Variants in NAV2 observed in about 807,000 individuals in gnomAD.
The protein encoded by NAV2 is helicase, APC down-regulated 1.
Under a neutral mutation model 223.2 loss-of-function variants are expected in NAV2, and 54 were observed. The observed-to-expected ratio is 0.24, with a 90% CI of 0.19 to 0.30. NAV2 has a LOEUF of 0.30. Among genes scored for constraint, NAV2 ranks in the 10% least tolerant of loss-of-function variants. The pLI, the probability that NAV2 is intolerant of heterozygous loss-of-function variation, is 1.00. For synonymous variants in NAV2, 1,279 were observed against 1,239.3 expected, an observed-to-expected ratio of 1.03 and a Z score of -0.67; for missense variants, 2,806 against 3,147.5, an observed-to-expected ratio of 0.89 and a Z score of 2.60.
At chr11:20,063,227 A>G (rs962668130) in intron 20 of NAV2, among the ~76,000 whole-genome samples, 3 of 152,186 alleles carry the variant, frequency 2.0e-5, no homozygotes, top group African/African-American at 7.2e-5. Context: ...AATATAGTAC[A>G]CACAGCTCAG....
intron 6 of NAV2, among the ~76,000 whole-genome samples, chr11:19,899,308 C>G (rs758281545): frequency 8.5e-5 from 13 of 152,188 alleles, no homozygotes; most frequent in Non-Finnish European, 1.6e-4. Flanking sequence ...TTTAGAATCT[C>G]TATAAACATG....
chr11:19,785,458 T>A (rs893087137), intron 1 of NAV2, among the ~76,000 whole-genome samples: 33 of 152,246 alleles, frequency 2.2e-4, no homozygotes, highest in African/African-American at 8.0e-4. Context: ...ACTTGGCTAA[T>A]CTTTGCATGA....
intron 1 of NAV2, among the ~76,000 whole-genome samples, chr11:19,687,492 C>A (rs779034069): frequency 6.6e-6 from 1 of 152,188 alleles, no homozygotes; most frequent in Non-Finnish European, 1.5e-5. Flanking sequence ...AGAACATTAC[C>A]AGCATCCTAT....
intron 10 of NAV2, among the ~76,000 whole-genome samples, chr11:19,950,824 A>G (rs534066717): frequency 6.6e-6 from 1 of 152,354 alleles, no homozygotes; most frequent in African/African-American, 2.4e-5. Flanking sequence ...CCAAAGATAT[A>G]GGGGAGATTG....
intron 1 of NAV2, among the ~76,000 whole-genome samples, chr11:19,649,650 G>A (rs1286628338): frequency 6.6e-6 from 1 of 152,052 alleles, no homozygotes; most frequent in African/African-American, 2.4e-5. Flanking sequence ...ACCTCCCAAA[G>A]ACCCCAGCTC....
At chr11:19,528,884 C>T (rs1368194524) in intron 1 of NAV2, among the ~76,000 whole-genome samples, 2 of 133,794 alleles carry the variant, frequency 1.5e-5, no homozygotes, top group Non-Finnish European at 3.1e-5. Context: ...TAGCTGAGAT[C>T]ATGCCACTGC....
At chr11:20,050,572 GAAA>G (rs1260684558) in intron 16 of NAV2, among the ~76,000 whole-genome samples, 1 of 70,112 alleles carries the variant, frequency 1.4e-5, no homozygotes, top group Admixed American at 1.6e-4. Flanking sequence ...TCTCCTGCCA[GAAA>G]AAAAAAAAAA....
chr11:19,907,200 A>G (rs2042936350), intron 6 of NAV2, among the ~76,000 whole-genome samples: 1 of 152,210 alleles, frequency 6.6e-6, no homozygotes, highest in Admixed American at 6.5e-5. Context: ...AAATGACTAC[A>G]AAGGGGAAAG....
chr11:19,972,001 C>G (rs2049293858), intron 10 of NAV2, among the ~76,000 whole-genome samples: 1 of 152,182 alleles, frequency 6.6e-6, no homozygotes, highest in Non-Finnish European at 1.5e-5. Context: ...CTGTGCCTGG[C>G]CCAAACTTTT....
chr11:19,569,667 C>T (rs201028201), intron 1 of NAV2, among the ~76,000 whole-genome samples: 10 of 152,254 alleles, frequency 6.6e-5, no homozygotes, highest in East Asian at 1.9e-4. Context: ...AGTAAATGAA[C>T]GTTTGCTGTC....
At chr11:20,102,957 A>G (rs1484555988) in intron 32 of NAV2, among the ~76,000 whole-genome samples, 2 of 152,182 alleles carry the variant, frequency 1.3e-5, no homozygotes, top group Non-Finnish European at 2.9e-5. Context: ...TGTAGCTCTC[A>G]GGCTACACAC....
At chr11:19,686,592 T>G (rs1467238199) in intron 1 of NAV2, among the ~76,000 whole-genome samples, 1 of 152,174 alleles carries the variant, frequency 6.6e-6, no homozygotes, top group African/African-American at 2.4e-5. Flanking sequence ...GTGAGCAAAA[T>G]AAGTTCACAT....
At chr11:19,716,764 A>G (rs12295175) in intron 1 of NAV2, among the ~76,000 whole-genome samples, 9,610 of 152,292 alleles carry the variant, frequency 0.063, 994 homozygotes, top group African/African-American at 0.22. Flanking sequence ...CTATGACAGT[A>G]ACAACATGGT....
intron 1 of NAV2, among the ~76,000 whole-genome samples, chr11:19,586,180 C>T (rs1001479891): frequency 2.0e-4 from 30 of 152,168 alleles, no homozygotes; most frequent in African/African-American, 2.9e-4. Flanking sequence ...TCAGCTACTG[C>T]GGCTTGTGCA....
chr11:19,855,596 T>G (rs948835123), intron 3 of NAV2, among the ~76,000 whole-genome samples: 7 of 152,110 alleles, frequency 4.6e-5, no homozygotes, highest in African/African-American at 1.7e-4. Flanking sequence ...TACTTTCCCC[T>G]GAAGGAATAT....
chr11:19,383,553 C>T (rs1033523864), intron 1 of NAV2, among the ~76,000 whole-genome samples: 1 of 152,228 alleles, frequency 6.6e-6, no homozygotes, highest in East Asian at 1.9e-4. Context: ...GTCTCTACCA[C>T]AGTAAAGAGA....
chr11:19,734,988 A>G (rs888822909), intron 1 of NAV2, among the ~76,000 whole-genome samples: 1 of 152,194 alleles, frequency 6.6e-6, no homozygotes, highest in Non-Finnish European at 1.5e-5. Context: ...CAAGCCTCAG[A>G]TTTGTTTGCT....
At chr11:19,474,923 G>A (rs1031410882) in intron 1 of NAV2, among the ~76,000 whole-genome samples, 4 of 152,210 alleles carry the variant, frequency 2.6e-5, no homozygotes, top group African/African-American at 7.2e-5. Flanking sequence ...AGGCTGAGAC[G>A]CGGTAAGCTT....
At chr11:20,001,296 C>T (rs1369592809) in intron 11 of NAV2, among the ~76,000 whole-genome samples, 2 of 152,190 alleles carry the variant, frequency 1.3e-5, no homozygotes, top group Admixed American at 6.5e-5. Context: ...CAAAGGACCC[C>T]GTGCTATCCT....
Sources: allele counts gnomAD v4.1 joint callset (sites outside exome capture counted in the v4.1 genomes callset), GRCh38; gene constraint gnomAD v4.1.1; transcripts MANE v1.5; gene names NCBI Gene and HGNC (gene_info 2026-07-23, HGNC 2026-07-21).